Variants in SLC41A3 observed in about 807,000 individuals in gnomAD.
SLC41A3 encodes SLC41A1-like 2.
Under a neutral mutation model 45.4 loss-of-function variants are expected in SLC41A3, and 44 were observed. The observed-to-expected ratio is 0.97, with a 90% confidence interval of 0.76 to 1.25. The LOEUF (loss-of-function observed/expected upper bound fraction) is 1.25, where lower values mean the gene tolerates loss of function less well. Among genes scored for constraint, SLC41A3 ranks in the 50% most tolerant of loss-of-function variants. The pLI, the probability that SLC41A3 is intolerant of heterozygous loss-of-function variation, is 0.00. For missense variants in SLC41A3, 550 were observed against 600.6 expected (o/e 0.92, Z 0.88); for synonymous variants, 256 against 252.4 (o/e 1.01, Z -0.13).
At chr3:126,038,200 C>T (rs887492192) in intron 3 of SLC41A3, among the ~76,000 whole-genome samples, 2 of 152,252 alleles carry the variant, frequency 1.3e-5, no homozygotes, top group Non-Finnish European at 2.9e-5. Flanking sequence ...AGAAACCCTA[C>T]TAGGGCAGTA....
rs1236635988 is a variant in SLC41A3 at position 126,057,202 on chromosome 3, T to C, written c.274-6152A>G. 4 of 981,008 alleles carry C rather than the reference T, an allele frequency of 4.1e-6. No homozygotes were observed. The African/African-American group carries it at 7.0e-5, about 17-fold the overall frequency. The allele number at this position is 981,008 out of a possible 1,614,324, so 60.8% of individuals were successfully genotyped here. A position where few individuals can be genotyped will look rare whatever the true frequency, so the allele number is the denominator to read the frequency against. On this transcript the variant is annotated intron_variant, in intron 2 of 10. Transcript: ENST00000360370. Reference sequence around the variant, plus strand: ...ACGCCCTGGGTCATCTCAAGTTGTGTCCAGCCAGGGGGTTCATGGCCACAG... The same window carrying C: ...ACGCCCTGGGTCATCTCAAGTTGTGCCCAGCCAGGGGGTTCATGGCCACAG...
At chr3:126,078,812 T>G (rs61597515) in intron 1 of SLC41A3, among the ~76,000 whole-genome samples, 10,867 of 151,958 alleles carry the variant, frequency 0.072, 634 homozygotes, top group African/African-American at 0.16. Flanking sequence ...CTCCTCAGTT[T>G]CTCCCCTCTA....
At position 126,056,929 on chromosome 3, in the gene SLC41A3, G is replaced by T. The variant is rs1943707999; in HGVS notation, c.274-5879C>A. Reference sequence around the variant, plus strand: ...GGCCTTGACAGCAATCAGCAGCCCAGCAGGCTGGTCCATACTGGCTTGGGC... The same window carrying T: ...GGCCTTGACAGCAATCAGCAGCCCATCAGGCTGGTCCATACTGGCTTGGGC... On this transcript the variant is annotated intron_variant, in intron 2 of 10. Coordinates refer to ENST00000360370, the MANE Select transcript of SLC41A3 (RefSeq NM_017836.4). 4.6e-6 allele frequency: 5 copies of T among 1,093,278 alleles called. No homozygotes were observed. In the South Asian group the frequency reaches 1.5e-4, roughly 33 times the overall value. The allele number at this position is 1,093,278 out of a possible 1,614,324, so 67.7% of individuals were successfully genotyped here.
chr3:126,062,397 C>A (rs571589605), intron 2 of SLC41A3, among the ~76,000 whole-genome samples: 24 of 152,338 alleles, frequency 1.6e-4, no homozygotes, highest in African/African-American at 5.3e-4. Flanking sequence ...ACACTAGATA[C>A]CTTTTCCAGG....
intron 1 of SLC41A3, among the ~76,000 whole-genome samples, chr3:126,100,722 G>C (rs1035647989): frequency 1.3e-5 from 2 of 152,174 alleles, no homozygotes; most frequent in African/African-American, 4.8e-5. Context: ...TCTGGACACC[G>C]TGAATGAGGT....
At chr3:126,068,749 C>T (rs1944475588) in intron 1 of SLC41A3, among the ~76,000 whole-genome samples, 1 of 152,168 alleles carries the variant, frequency 6.6e-6, no homozygotes. Context: ...CAGCCTGCAA[C>T]TGCAGTGAGA....
chr3:126,096,943 G>C (rs1945615491), intron 1 of SLC41A3, among the ~76,000 whole-genome samples: 1 of 152,320 alleles, frequency 6.6e-6, no homozygotes, highest in Middle Eastern at 3.4e-3. Flanking sequence ...CAACTGAGGG[G>C]CATAGAGCAG....
intron 1 of SLC41A3, among the ~76,000 whole-genome samples, chr3:126,093,889 A>G (rs948415722): frequency 2.0e-5 from 3 of 152,220 alleles, no homozygotes; most frequent in African/African-American, 4.8e-5. Context: ...AAGATTTGGT[A>G]GATACAGGAG....
intron 2 of SLC41A3, among the ~76,000 whole-genome samples, chr3:126,059,377 G>A (rs1308353824): frequency 2.0e-5 from 3 of 151,622 alleles, no homozygotes; most frequent in East Asian, 3.9e-4. Context: ...GAGCAGACTC[G>A]GCCACACGCA....
intron 1 of SLC41A3, among the ~76,000 whole-genome samples, chr3:126,083,578 G>C (rs1945274465): frequency 6.6e-6 from 1 of 152,114 alleles, no homozygotes; most frequent in African/African-American, 2.4e-5. Context: ...CTGTGGTAGA[G>C]GCTGGCGGGA....
chr3:126,081,821 T>A (rs1945168177), intron 1 of SLC41A3, among the ~76,000 whole-genome samples: 1 of 152,192 alleles, frequency 6.6e-6, no homozygotes. Flanking sequence ...GGTGAGTCAC[T>A]CACACGCGTG....
intron 2 of SLC41A3, among the ~76,000 whole-genome samples, chr3:126,054,303 G>A (rs1943523158): frequency 6.6e-6 from 1 of 152,190 alleles, no homozygotes; most frequent in Non-Finnish European, 1.5e-5. Flanking sequence ...GGACTCTGCT[G>A]GGGCTCTGCT....
intron 4 of SLC41A3, 80 bp downstream of exon 4, chr3:126,033,527 T>A (rs1941956712): frequency 1.4e-6 from 2 of 1,480,692 alleles, no homozygotes; most frequent in Non-Finnish European, 1.9e-6. Flanking sequence ...GGACAAGAGC[T>A]CGCTTAGCCT....
At chr3:126,070,753 A>C (rs1284399413) in intron 1 of SLC41A3, among the ~76,000 whole-genome samples, 1 of 152,224 alleles carries the variant, frequency 6.6e-6, no homozygotes. Context: ...GGAGTCTTTA[A>C]GGCCGAATTA....
In SLC41A3 at chr3:126,026,138, G is replaced by A. The variant is rs1941318980; in HGVS notation, c.598+197C>T. Among the ~76,000 whole-genome samples, 1 of 152,164 alleles carries A rather than the reference G, an allele frequency of 6.6e-6. No homozygotes were observed. ...GGTGGCAGGAGCGGCACACACCCCT[G>A]CCTGGGTGAGGGCACAAGGTGGGCC... On this transcript the variant is annotated intron_variant, in intron 5 of 10. Transcript: ENST00000360370. This position sits in a 1 kb window ranked among gnomAD's most constrained non-coding sequence, Gnocchi z 4.2.
intron 1 of SLC41A3, among the ~76,000 whole-genome samples, chr3:126,091,710 G>A (rs895295829): frequency 2.0e-5 from 3 of 152,134 alleles, no homozygotes; most frequent in African/African-American, 7.2e-5. Flanking sequence ...GAAAGGGAAG[G>A]GGATTCTCTA....
chr3:126,056,849 C>A (rs1459704322), intron 2 of SLC41A3: 3 of 1,210,642 alleles, frequency 2.5e-6, no homozygotes, highest in Non-Finnish European at 3.1e-6. Flanking sequence ...GGCTGTGTGT[C>A]CGCCGGGACC....
intron 2 of SLC41A3, chr3:126,056,787 C>A: frequency 7.4e-7 from 1 of 1,345,738 alleles, no homozygotes; most frequent in Non-Finnish European, 9.5e-7. Context: ...ATTACAGAGA[C>A]TCTGCCAGGC....
intron 4 of SLC41A3, among the ~76,000 whole-genome samples, chr3:126,032,756 G>A (rs536843398): frequency 1.3e-5 from 2 of 152,248 alleles, no homozygotes; most frequent in African/African-American, 4.8e-5. Context: ...ACCCAGGTGC[G>A]GGATAAAGTA....
Sources: gnomAD v4.1 joint callset for allele counts (sites outside exome capture counted in the v4.1 genomes callset) on GRCh38, gnomAD v4.1.1 for gene constraint, Gnocchi (gnomAD v3.1) non-coding constraint, MANE v1.5 for transcripts, NCBI Gene and HGNC (gene_info 2026-07-23, HGNC 2026-07-21) for gene names.